The following NDST4 variants were observed in gnomAD, a reference collection of about 807,000 sequenced individuals.
NDST4 encodes N-deacetylase and N-sulfotransferase 4.
NDST4 carries 63 observed loss-of-function variants against 100.8 expected under a neutral mutation model. That is an observed-to-expected ratio of 0.62 (90% CI 0.51 to 0.77). The LOEUF is 0.77. Among genes scored for constraint, NDST4 ranks in the 30% least tolerant of loss-of-function variants. NDST4 has a pLI of 0.00. For synonymous variants in NDST4, 377 were observed against 361.8 expected, an observed-to-expected ratio of 1.04 and a Z score of -0.48; for missense variants, 943 against 1,018.4, an observed-to-expected ratio of 0.93 and a Z score of 1.01.
intron 1 of NDST4, among the ~76,000 whole-genome samples, chr4:115,089,068 C>T (rs1025095982): frequency 2.6e-4 from 39 of 151,962 alleles, no homozygotes; most frequent in African/African-American, 8.9e-4. Flanking sequence ...AACAATTATG[C>T]CAAAACAACA....
At chr4:115,102,674 G>A (rs1375553274) in intron 1 of NDST4, among the ~76,000 whole-genome samples, 2 of 136,206 alleles carry the variant, frequency 1.5e-5, no homozygotes. Flanking sequence ...CACATCAGTG[G>A]TCATTTATAT....
rs141367849 is a variant in NDST4 at position 114,980,404 on chromosome 4, C to T, written c.979-3130G>A. On this transcript the variant is annotated intron_variant, in intron 2 of 13. Coordinates refer to ENST00000264363, the MANE Select transcript of NDST4 (RefSeq NM_022569.3). Reference sequence around the variant, plus strand: ...TGCCTGTAATCCCAGCACTTTGGGACGCCGAGGCAGGTGGATCTTTTGAGG... The same window carrying T: ...TGCCTGTAATCCCAGCACTTTGGGATGCCGAGGCAGGTGGATCTTTTGAGG... 7.2e-5 allele frequency among the ~76,000 whole-genome samples: 11 copies of T among 152,056 alleles called. 1 individual carries two copies. In the South Asian group the frequency reaches 1.0e-3, roughly 14 times the overall value.
intron 6 of NDST4, among the ~76,000 whole-genome samples, chr4:114,907,312 C>T (rs2126212838): frequency 6.6e-6 from 1 of 152,268 alleles, no homozygotes. Context: ...CACAATATGG[C>T]TCTGACATTT....
chr4:115,080,476 T>G (rs1729278202), intron 1 of NDST4, among the ~76,000 whole-genome samples: 1 of 152,146 alleles, frequency 6.6e-6, no homozygotes, highest in African/African-American at 2.4e-5. Context: ...TTTGCAAAAG[T>G]CTTTGTTTCA....
chr4:114,849,198 C>T (rs930945054), intron 8 of NDST4, among the ~76,000 whole-genome samples: 6 of 152,210 alleles, frequency 3.9e-5, no homozygotes, highest in African/African-American at 9.6e-5. Context: ...AATGTAATCT[C>T]TGAACCTTAT....
intron 4 of NDST4, among the ~76,000 whole-genome samples, chr4:114,961,186 G>C (rs970101700): frequency 6.6e-6 from 1 of 151,922 alleles, no homozygotes; most frequent in Non-Finnish European, 1.5e-5. Flanking sequence ...CTAATACTTA[G>C]AGGAAGCAGC....
intron 2 of NDST4, among the ~76,000 whole-genome samples, chr4:115,055,558 A>G (rs979659373): frequency 5.3e-5 from 8 of 152,290 alleles, no homozygotes; most frequent in African/African-American, 1.9e-4. Context: ...AGTGAAAGCA[A>G]CTTTAACCTG....
chr4:114,827,816 C>T lies in NDST4; in HGVS notation c.2619G>A (p.Ter873=), dbSNP rs1005980782. The T allele has an allele frequency of 1.9e-6, 3 of 1,610,134 alleles. No individual in the cohort carries two copies. Among genetic ancestry groups the T allele is most frequent in the Non-Finnish European group, 2.5e-6 (3 of 1,178,640 alleles). Residue 873 remains the stop codon, a stop_retained_variant, in exon 14 of 14, where the codon TAG becomes TAA. Transcript: ENST00000264363. ...AGAGGCTTAGTTCTTGTCTCCAGTG[C>T]TATCTCACTTTCTGCAGTTCCTGTC... ...WLRQELQKVR[*]
chr4:115,040,759 T>C (rs1728331653), intron 2 of NDST4, among the ~76,000 whole-genome samples: 1 of 152,028 alleles, frequency 6.6e-6, no homozygotes, highest in Non-Finnish European at 1.5e-5. Context: ...TTTGCTCTAC[T>C]AATAGTAAGA....
At chr4:114,929,617 CT>C (rs997107322) in intron 6 of NDST4, among the ~76,000 whole-genome samples, 65 of 152,214 alleles carry the variant, frequency 4.3e-4, no homozygotes, top group African/African-American at 1.6e-3. Flanking sequence ...CTATCCTATT[CT>C]GCCTAAAATT....
chr4:115,050,835 A>G (rs1578482975), intron 2 of NDST4, among the ~76,000 whole-genome samples: 2 of 152,120 alleles, frequency 1.3e-5, no homozygotes, highest in Non-Finnish European at 2.9e-5. Flanking sequence ...TCTTATGACT[A>G]TAGAAATAAG....
At chr4:115,066,469 TCCTGTACAG>T (rs1728949612) in intron 2 of NDST4, among the ~76,000 whole-genome samples, 1 of 152,266 alleles carries the variant, frequency 6.6e-6, no homozygotes, top group Middle Eastern at 3.4e-3. Flanking sequence ...ATTAACTGTA[TCCTGTACAG>T]TAACTGTCCT....
rs1391736224 is a variant in NDST4 at position 114,847,416 on chromosome 4, A to AAAAAAAAAAAAAAAAAAAT, written c.1940+798_1940+799insATTTTTTTTTTTTTTTTTT. On this transcript the variant is annotated intron_variant, in intron 9 of 13. Coordinates refer to ENST00000264363, the MANE Select transcript of NDST4 (RefSeq NM_022569.3). ...AAAAAAAAAAAAAAAAAAAAAAAAA[A>AAAAAAAAAAAAAAAAAAAT]GTGTCTTTCATTGCAAACAGGTTCA... Among the ~76,000 whole-genome samples the AAAAAAAAAAAAAAAAAAAT allele has an allele frequency of 3.9e-5, 4 of 103,598 alleles. 1 individual carries two copies. Among genetic ancestry groups the AAAAAAAAAAAAAAAAAAAT allele is most frequent in the Admixed American group, 2.1e-4 (2 of 9,728 alleles). The allele number at this position is 103,598 out of a possible 152,430, so 68.0% of individuals were successfully genotyped here.
At chr4:115,027,943 C>T (rs145441651) in intron 2 of NDST4, among the ~76,000 whole-genome samples, 2,174 of 152,066 alleles carry the variant, frequency 0.014, 48 homozygotes, top group African/African-American at 0.047. Flanking sequence ...ATCCCAGCTA[C>T]TCGAGAGGTT....
At chr4:114,943,889 G>T (rs1461483533) in intron 4 of NDST4, among the ~76,000 whole-genome samples, 1 of 152,086 alleles carries the variant, frequency 6.6e-6, no homozygotes, top group Non-Finnish European at 1.5e-5. Flanking sequence ...TGGCTATGAA[G>T]TCATAAACTC....
chr4:114,947,924 TGAA>T (rs1725902082), intron 4 of NDST4, among the ~76,000 whole-genome samples: 1 of 152,182 alleles, frequency 6.6e-6, no homozygotes, highest in South Asian at 2.1e-4. Flanking sequence ...CCTGTGTATG[TGAA>T]GAAGACAAGT....
chr4:114,911,524 AT>A (rs1477780353), intron 6 of NDST4, among the ~76,000 whole-genome samples: 2 of 152,090 alleles, frequency 1.3e-5, no homozygotes, highest in Non-Finnish European at 2.9e-5. Context: ...AAGCATGGAT[AT>A]TTTTTCTTAT....
chr4:114,879,649 AT>A (rs1578361313), intron 6 of NDST4, among the ~76,000 whole-genome samples: 1 of 152,168 alleles, frequency 6.6e-6, no homozygotes, highest in Non-Finnish European at 1.5e-5. Flanking sequence ...GAGTAGTAAA[AT>A]ACCTGGCACA....
intron 3 of NDST4, among the ~76,000 whole-genome samples, chr4:114,975,409 G>A (rs368609589): frequency 9.9e-5 from 15 of 152,112 alleles, no homozygotes; most frequent in East Asian, 7.7e-4. Context: ...TTGTTATACT[G>A]GTTTCAACAC....
Sources: gnomAD v4.1 joint callset for allele counts (sites outside exome capture counted in the v4.1 genomes callset) on GRCh38, gnomAD v4.1.1 for gene constraint, MANE v1.5 for transcripts, NCBI Gene and HGNC (gene_info 2026-07-23, HGNC 2026-07-21) for gene names.